DSCAM: variants seen among roughly 807,000 people sequenced by gnomAD.
DSCAM encodes DS cell adhesion molecule.
A neutral mutation model predicts 217.7 loss-of-function variants in DSCAM; 47 were observed. The observed-to-expected ratio is 0.22, with a 90% CI of 0.17 to 0.28. The LOEUF is 0.28. DSCAM is among the 10% of genes least tolerant of loss of function. DSCAM has a pLI of 1.00. For missense variants in DSCAM, 2,080 were observed against 2,618.3 expected (o/e 0.79, Z 4.49); for synonymous variants, 1,056 against 1,015.3 (o/e 1.04, Z -0.76).
chr21:40,777,973 G>A (rs1469473981), intron 1 of DSCAM, among the ~76,000 whole-genome samples: 2 of 152,112 alleles, frequency 1.3e-5, no homozygotes, highest in African/African-American at 4.8e-5. Flanking sequence ...ATGAAAGCTA[G>A]AAGATAATGA....
intron 3 of DSCAM, among the ~76,000 whole-genome samples, chr21:40,487,826 T>G (rs2076042882): frequency 6.6e-6 from 1 of 152,144 alleles, no homozygotes; most frequent in South Asian, 2.1e-4. Context: ...TCATAGATGG[T>G]TCTGCTATTC....
At chr21:40,369,375 CGTGCGTCTGCGT>C in intron 3 of DSCAM, 130 bp from the exon 4 acceptor site, 3 of 606,012 alleles carry the variant, frequency 5.0e-6, no homozygotes, top group Non-Finnish European at 2.6e-6. Context: ...AAAATGGGTG[CGTGCGTCTGCGT>C]GTGTGTGTGT....
At chr21:40,516,906 T>TATATATAC (rs1555849637) in intron 3 of DSCAM, among the ~76,000 whole-genome samples, 9,777 of 145,220 alleles carry the variant, frequency 0.067, 425 homozygotes, top group Middle Eastern at 0.13. Context: ...TATATATATA[T>TATATATAC]ACACACACAC....
intron 14 of DSCAM, among the ~76,000 whole-genome samples, chr21:40,185,900 C>T (rs1601421070): frequency 6.6e-6 from 1 of 152,108 alleles, no homozygotes; most frequent in African/African-American, 2.4e-5. Context: ...TTCTTGGCTA[C>T]GGTGAGACTT....
At chr21:40,113,709 CAA>C (rs1158316520) in intron 20 of DSCAM, among the ~76,000 whole-genome samples, 4 of 152,158 alleles carry the variant, frequency 2.6e-5, no homozygotes, top group Non-Finnish European at 5.9e-5. Flanking sequence ...GCAATTTCAG[CAA>C]AGTCTCAGGA....
chr21:40,272,572 A>G (rs2073633312), intron 11 of DSCAM, among the ~76,000 whole-genome samples: 1 of 152,160 alleles, frequency 6.6e-6, no homozygotes, highest in Non-Finnish European at 1.5e-5. Context: ...AATTTCCCAT[A>G]TAGGAGAAAC....
intron 15 of DSCAM, among the ~76,000 whole-genome samples, chr21:40,172,099 T>C (rs998282573): frequency 2.0e-5 from 3 of 152,176 alleles, no homozygotes; most frequent in Non-Finnish European, 4.4e-5. Flanking sequence ...TGAAACATGG[T>C]CTCTACTAAA....
intron 3 of DSCAM, among the ~76,000 whole-genome samples, chr21:40,659,839 A>C (rs147929762): frequency 6.6e-6 from 1 of 152,362 alleles, no homozygotes; most frequent in African/African-American, 2.4e-5. Flanking sequence ...AACGATAGAA[A>C]CCATAATTAA....
chr21:40,361,946 C>G (rs1368142224), intron 4 of DSCAM, among the ~76,000 whole-genome samples: 3 of 152,140 alleles, frequency 2.0e-5, no homozygotes, highest in Non-Finnish European at 4.4e-5. Flanking sequence ...TTTAAAGAAA[C>G]CAGGTATGAT....
At chr21:40,288,812 T>C (rs1392945134) in intron 10 of DSCAM, among the ~76,000 whole-genome samples, 1 of 152,200 alleles carries the variant, frequency 6.6e-6, no homozygotes, top group Admixed American at 6.5e-5. Flanking sequence ...TCTTACTAAA[T>C]CATCACATTT....
intron 6 of DSCAM, among the ~76,000 whole-genome samples, chr21:40,345,079 C>A (rs1444165461): frequency 6.6e-6 from 1 of 151,686 alleles, no homozygotes; most frequent in Non-Finnish European, 1.5e-5. Flanking sequence ...GATTTTTTTT[C>A]ATTTCTACAG....
In DSCAM at chr21:40,107,887, C is replaced by T. The variant is rs182976719; in HGVS notation, c.3697-14013G>A. ...GTTTTTGATTTGCTTACTGGATTTT[C>T]CTCCATCCCTTTATTTTGAGCCAAT... On this transcript the variant is annotated intron_variant, in intron 20 of 32. Transcript: ENST00000400454. Among the ~76,000 whole-genome samples, 656 of 152,146 alleles carry T rather than the reference C, an allele frequency of 4.3e-3. 7 individuals are homozygous for T. The highest frequency in any genetic ancestry group is 0.015 in the African/African-American group (622 of 41,494).
chr21:40,021,102 CACAG>C (rs1260828766), intron 32 of DSCAM, among the ~76,000 whole-genome samples: 1 of 143,622 alleles, frequency 7.0e-6, no homozygotes, highest in Non-Finnish European at 1.5e-5. Context: ...GGAAGAGACA[CACAG>C]AGAGAGAGAG....
intron 19 of DSCAM, among the ~76,000 whole-genome samples, chr21:40,125,803 G>C (rs1486991966): frequency 6.6e-6 from 1 of 152,188 alleles, no homozygotes; most frequent in Non-Finnish European, 1.5e-5. Context: ...ACCTAGTTCA[G>C]AGCTGCCAGG....
At chr21:40,157,157 C>T (rs904571641) in intron 16 of DSCAM, among the ~76,000 whole-genome samples, 1 of 152,174 alleles carries the variant, frequency 6.6e-6, no homozygotes, top group Non-Finnish European at 1.5e-5. Flanking sequence ...TCAAATTTCA[C>T]CTTTCCTAGG....
intron 3 of DSCAM, among the ~76,000 whole-genome samples, chr21:40,681,802 C>A (rs1014456529): frequency 6.6e-6 from 1 of 152,078 alleles, no homozygotes; most frequent in Non-Finnish European, 1.5e-5. Context: ...AATGCAAAGA[C>A]ACACACAGGG....
At chr21:40,556,576 ACCCCAGACAG>A (rs1220126144) in intron 3 of DSCAM, among the ~76,000 whole-genome samples, 2 of 151,980 alleles carry the variant, frequency 1.3e-5, no homozygotes, top group African/African-American at 2.4e-5. Context: ...TCTGGTGAAA[ACCCCAGACAG>A]CTTCCACTCA....
intron 20 of DSCAM, among the ~76,000 whole-genome samples, chr21:40,111,708 G>T (rs1242418390): frequency 6.6e-6 from 1 of 152,166 alleles, no homozygotes. Flanking sequence ...TCAAAATAAA[G>T]GGTTGGAGGA....
At chr21:40,515,754 C>T (rs1445780745) in intron 3 of DSCAM, among the ~76,000 whole-genome samples, 1 of 152,032 alleles carries the variant, frequency 6.6e-6, no homozygotes. Flanking sequence ...TCAGCGCACT[C>T]GTAGGCAATG....
Sources: gnomAD v4.1 joint callset for allele counts (sites outside exome capture counted in the v4.1 genomes callset) on GRCh38, gnomAD v4.1.1 for gene constraint, MANE v1.5 for transcripts, NCBI Gene and HGNC (gene_info 2026-07-23, HGNC 2026-07-21) for gene names.